The following OR1R1 variants were observed in gnomAD, a reference collection of about 807,000 sequenced individuals.
The protein encoded by OR1R1 is olfactory receptor family 1 subfamily R member 1.
At chr17:3,386,632 G>T in the OR1R1 span, 1 of 398,518 alleles carries the variant, frequency 2.5e-6, no homozygotes, top group Non-Finnish European at 4.4e-6. Flanking sequence ...CCGGCGCCGC[G>T]CCTTCTCCAC....
the OR1R1 span, chr17:3,386,724 C>A: frequency 2.5e-6 from 1 of 398,656 alleles, no homozygotes; most frequent in Non-Finnish European, 4.4e-6. Context: ...CGTCGTCTGC[C>A]TACTCAGCCC....
At chr17:3,386,274 G>A in the OR1R1 span, 3 of 398,516 alleles carry the variant, frequency 7.5e-6, no homozygotes, top group Admixed American at 1.3e-4. Context: ...GCTACCTCCT[G>A]GCGGCCATGT....
At chr17:3,386,742 C>T in the OR1R1 span, 10 of 398,568 alleles carry the variant, frequency 2.5e-5, no homozygotes, top group Non-Finnish European at 4.4e-5. Flanking sequence ...CCCGCTACGA[C>T]CGCCTGGCCA....
chr17:3,386,554 G>A, the OR1R1 span: 4 of 398,340 alleles, frequency 1.0e-5, no homozygotes, highest in Non-Finnish European at 1.8e-5. Flanking sequence ...CGTGGTGTTG[G>A]CCCCGCTGCT....
the OR1R1 span, chr17:3,386,325 C>G: frequency 2.5e-6 from 1 of 398,240 alleles, no homozygotes; most frequent in African/African-American, 2.1e-5. Flanking sequence ...CCCTGCGCTA[C>G]GGCGCGCTGG....
the OR1R1 span, chr17:3,386,359 C>G: frequency 5.0e-6 from 2 of 398,332 alleles, no homozygotes; most frequent in Middle Eastern, 6.3e-4. Flanking sequence ...CTGCGCCTCG[C>G]TGGTGCGTGC....
the OR1R1 span, chr17:3,386,341 C>T: frequency 2.5e-6 from 1 of 398,338 alleles, no homozygotes; most frequent in Non-Finnish European, 4.4e-6. Context: ...GCTGGTGACG[C>T]CATGGCGCTG....
At chr17:3,386,606 C>T in the OR1R1 span, 3 of 398,708 alleles carry the variant, frequency 7.5e-6, no homozygotes, top group Non-Finnish European at 1.3e-5. Flanking sequence ...GGTCGCGGTG[C>T]TCGGCTTGCC....
At chr17:3,386,098 TCCC>T in the OR1R1 span, 7 of 398,486 alleles carry the variant, frequency 1.8e-5, no homozygotes, top group African/African-American at 1.4e-4. Context: ...GGCCCTCCGC[TCCC>T]CCATGTATTA....
the OR1R1 span, chr17:3,386,658 AGTGGCG>A: frequency 4.8e-5 from 19 of 397,518 alleles, no homozygotes; most frequent in East Asian, 2.1e-4. Flanking sequence ...GGGCCCACCT[AGTGGCG>A]GTGGCGGTGG....
the OR1R1 span, chr17:3,386,641 A>T: frequency 4.3e-5 from 17 of 396,718 alleles, no homozygotes; most frequent in East Asian, 5.7e-4. Context: ...CGCCTTCTCC[A>T]CCTGCGGGGC....
At chr17:3,386,530 T>G in the OR1R1 span, 1 of 398,378 alleles carries the variant, frequency 2.5e-6, no homozygotes, top group Non-Finnish European at 4.4e-6. Flanking sequence ...GGCCATCTTC[T>G]CCGAGGGCCT....
chr17:3,386,827 G>C, the OR1R1 span: 2 of 398,614 alleles, frequency 5.0e-6, no homozygotes, highest in East Asian at 7.1e-5. Context: ...GGTCAAGGGC[G>C]CCCTGAAAAG....
At chr17:3,386,317 C>A in the OR1R1 span, 1 of 398,420 alleles carries the variant, frequency 2.5e-6, no homozygotes, top group Non-Finnish European at 4.4e-6. Flanking sequence ...GTGCCGGCCC[C>A]TGCGCTACGG....
At chr17:3,386,065 G>C in the OR1R1 span, 1 of 398,746 alleles carries the variant, frequency 2.5e-6, no homozygotes, top group East Asian at 3.6e-5. Context: ...CCTGAGCATG[G>C]TGGCGCTGGT....
At chr17:3,386,423 C>T in the OR1R1 span, 2 of 398,560 alleles carry the variant, frequency 5.0e-6, no homozygotes, top group Non-Finnish European at 8.8e-6. Flanking sequence ...CTCCTCTCCG[C>T]GCTCTCCTAC....
the OR1R1 span, chr17:3,386,623 C>T: frequency 2.5e-6 from 1 of 398,596 alleles, no homozygotes; most frequent in Admixed American, 4.4e-5. Context: ...TGCCGGCGGC[C>T]GGCGCCGCGC....
At chr17:3,386,379 CG>C in the OR1R1 span, 1 of 398,314 alleles carries the variant, frequency 2.5e-6, no homozygotes, top group Non-Finnish European at 4.4e-6. Context: ...CGTCGTGGGC[CG>C]TGACGCACCT....
the OR1R1 span, chr17:3,386,393 A>G: frequency 1.0e-5 from 4 of 398,112 alleles, no homozygotes; most frequent in Middle Eastern, 6.3e-4. Context: ...ACGCACCTGC[A>G]CTCGCTGCTG....
Sources: allele counts gnomAD v4.1 joint callset, GRCh38; gene constraint gnomAD v4.1.1; transcripts MANE v1.5; gene names NCBI Gene and HGNC (gene_info 2026-07-23, HGNC 2026-07-21).